The following MYBPC1 variants were observed in gnomAD, a reference collection of about 807,000 sequenced individuals.
MYBPC1 encodes the protein myosin binding protein C1, also known as myosin-binding protein C, slow-type.
In MYBPC1, 52 loss-of-function variants were observed where a neutral mutation model predicts 147.1. The ratio of observed to expected loss-of-function variants is 0.35; its 90% CI spans 0.28 to 0.45. The LOEUF is 0.45. Among genes scored for constraint, MYBPC1 ranks in the 20% least tolerant of loss-of-function variants. MYBPC1 has a pLI of 1.00. For missense variants in MYBPC1, 1,228 were observed against 1,440.3 expected, an observed-to-expected ratio of 0.85 and a Z score of 2.39; for synonymous variants, 477 against 475.9, an observed-to-expected ratio of 1.00 and a Z score of -0.03.
At chr12:101,682,984 A>G (rs1371107434) in intron 30 of MYBPC1, among the ~76,000 whole-genome samples, 1 of 152,174 alleles carries the variant, frequency 6.6e-6, no homozygotes, top group Non-Finnish European at 1.5e-5. Context: ...TTTCTTTAAT[A>G]TTTTCATTTT....
intron 8 of MYBPC1, among the ~76,000 whole-genome samples, chr12:101,633,455 G>C (rs1001649717): frequency 6.6e-6 from 1 of 152,104 alleles, no homozygotes; most frequent in African/African-American, 2.4e-5. Flanking sequence ...TTGGGAGGCC[G>C]GGGCGGGCAG....
At chr12:101,619,397 C>T (rs991224253) in intron 3 of MYBPC1, among the ~76,000 whole-genome samples, 12 of 152,160 alleles carry the variant, frequency 7.9e-5, no homozygotes, top group Non-Finnish European at 1.6e-4. Flanking sequence ...TGGTTGACTC[C>T]TTTTCCTAAC....
chr12:101,693,170 T>C, the MYBPC1 span, among the ~76,000 whole-genome samples: 10 of 152,178 alleles, frequency 6.6e-5, no homozygotes, highest in South Asian at 1.7e-3. Flanking sequence ...ATGGTCTCGA[T>C]CTCCTGACCT....
intron 3 of MYBPC1, among the ~76,000 whole-genome samples, chr12:101,624,548 C>A (rs567152667): frequency 7.2e-5 from 11 of 152,052 alleles, no homozygotes; most frequent in African/African-American, 2.7e-4. Context: ...AGTACAGTGG[C>A]GTGATGATGG....
intron 1 of MYBPC1, among the ~76,000 whole-genome samples, chr12:101,609,317 G>C (rs1321835433): frequency 6.6e-6 from 1 of 151,876 alleles, no homozygotes; most frequent in Non-Finnish European, 1.5e-5. Context: ...CTGGAGATGG[G>C]GTCTTGCTCT....
At position 101,677,224 on chromosome 12, in the gene MYBPC1, T is replaced by C; in HGVS notation, c.2950-11T>C. On this transcript the variant is annotated splice_polypyrimidine_tract_variant and intron_variant, in intron 26 of 31. Transcript: ENST00000361466. ...TGATTTTCCTCCAGTTATTATTTTT[T>C]TTTCTTTTAGGAATGGTTTACTGTC... 6.2e-7 allele frequency: 1 copy of C among 1,611,638 alleles called. No homozygotes were observed. Among genetic ancestry groups the C allele is most frequent in the Non-Finnish European group, 8.5e-7 (1 of 1,178,056 alleles).
In MYBPC1 at chr12:101,651,215, T is replaced by C. The variant is rs755074135; in HGVS notation, c.1364-16T>C. On this transcript the variant is annotated splice_polypyrimidine_tract_variant and intron_variant, in intron 15 of 31. Coordinates refer to ENST00000361466, the MANE Select transcript of MYBPC1 (RefSeq NM_002465.4). ...AGTTTGGGCTTGGCATTTGTGATGG[T>C]CTATCATTTCTACAGTGAAACCTCT... 4 of 1,614,058 alleles carry C rather than the reference T, an allele frequency of 2.5e-6. No homozygotes were observed. In the South Asian group the frequency reaches 3.3e-5, roughly 13 times the overall value.
intron 2 of MYBPC1, chr12:101,614,896 C>T (rs1934048673): frequency 2.7e-5 from 9 of 333,722 alleles, no homozygotes; most frequent in South Asian, 1.4e-4. Context: ...CAAACAAACC[C>T]ACATCTTCTT....
rs557761628 is a variant in MYBPC1 at position 101,622,047 on chromosome 12, C to A, written c.103+4804C>A. Among the ~76,000 whole-genome samples the A allele has an allele frequency of 3.9e-5, 6 of 152,294 alleles. No individual in the cohort carries two copies. In the South Asian group the frequency reaches 1.2e-3, roughly 32 times the overall value. On this transcript the variant is annotated intron_variant, in intron 3 of 31. Transcript: ENST00000361466. ...TTCTATGTAGCTAGGGGGAAGATAG[C>A]CCTGCTACGCTGAGTGTGTGGTTTC...
intron 1 of MYBPC1, among the ~76,000 whole-genome samples, chr12:101,605,648 G>T (rs1396154224): frequency 1.3e-5 from 2 of 152,140 alleles, no homozygotes; most frequent in African/African-American, 2.4e-5. Context: ...ATCACCTGAG[G>T]TCAGGAGTTT....
rs1351508927 is a variant in MYBPC1 at position 101,642,528 on chromosome 12, C to T, written c.775C>T (p.Leu259=). The T allele has an allele frequency of 1.9e-6, 3 of 1,613,480 alleles. No homozygotes were observed. Among genetic ancestry groups the T allele is most frequent in the Non-Finnish European group, 2.5e-6 (3 of 1,179,818 alleles). The change falls in exon 11 of 32, where the codon CTG becomes TTG. Residue 259 remains leucine, a synonymous_variant. Coordinates refer to ENST00000361466, the MANE Select transcript of MYBPC1 (RefSeq NM_002465.4). ...KIAFQYGITD[L]RGMLKRLKRM... is the part of the protein sequence containing the mutation. ...CGCCTTCCAGTATGGAATCACCGAC[C>T]TGCGCGGCATGCTCAAGCGACTCAA...
chr12:101,644,700 A>G lies in MYBPC1; in HGVS notation c.869A>G (p.Asp290Gly). The change falls in exon 12 of 32, where the codon GAC becomes GGC. Residue 290 changes from aspartate (D) to glycine (G), a missense_variant. Around this residue, in one of 2 missense-constraint regions of MYBPC1, gnomAD observed 1,077 missense variants for 1,314.2 expected, o/e 0.82. Transcript: ENST00000361466. ...ATTCTTGATCCTGCATATCAGGTTG[A>G]CAAAGGAGGCAGAGTGAGGTTTGTT... ...AKILDPAYQVDKGGRVRFVVE... is the reference protein window; with the variant it reads ...AKILDPAYQVGKGGRVRFVVE... The G allele has an allele frequency of 6.2e-7, 1 of 1,613,998 alleles. No homozygotes were observed. The highest frequency in any genetic ancestry group is 8.5e-7 in the Non-Finnish European group (1 of 1,179,898).
At chr12:101,603,140 T>C (rs11836972) in intron 1 of MYBPC1, among the ~76,000 whole-genome samples, 18,498 of 151,652 alleles carry the variant, frequency 0.12, 1,176 homozygotes, top group Middle Eastern at 0.15. Context: ...AGGTCGGGAG[T>C]TTGAGACCAG....
At chr12:101,606,419 A>G (rs1014833355) in intron 1 of MYBPC1, among the ~76,000 whole-genome samples, 1 of 152,066 alleles carries the variant, frequency 6.6e-6, no homozygotes. Flanking sequence ...CAGCTCCTGA[A>G]GATCCCAGAC....
At chr12:101,633,895 CTTT>C (rs571261326) in intron 8 of MYBPC1, among the ~76,000 whole-genome samples, 13 of 137,276 alleles carry the variant, frequency 9.5e-5, no homozygotes, top group Non-Finnish European at 1.7e-4. Context: ...ACCTGGAGGG[CTTT>C]TTTTTTTTTT....
chr12:101,606,238 G>T (rs143933904), intron 1 of MYBPC1, among the ~76,000 whole-genome samples: 13 of 121,286 alleles, frequency 1.1e-4, no homozygotes, highest in Non-Finnish European at 2.3e-4. Context: ...ACACACACAA[G>T]AATGCACAAA....
chr12:101,634,731 C>T lies in MYBPC1; in HGVS notation c.608+126C>T, dbSNP rs920900739. 3 of 786,364 alleles carry T rather than the reference C, an allele frequency of 3.8e-6. No individual in the cohort carries two copies. In the Admixed American group the frequency reaches 6.0e-5, roughly 16 times the overall value. 48.7% of individuals were successfully genotyped at this position (786,364 alleles called of 1,614,324 possible). On this transcript the variant is annotated intron_variant, in intron 9 of 31. Coordinates refer to ENST00000361466, the MANE Select transcript of MYBPC1 (RefSeq NM_002465.4). ...ACAACACTTTTCACCGCAAAAACACCATATATTTAAACATTGGTGTTCTAG... is the reference window on the plus strand; with the variant it reads ...ACAACACTTTTCACCGCAAAAACACTATATATTTAAACATTGGTGTTCTAG...
chr12:101,662,190 T>C (rs1266440341), intron 20 of MYBPC1, among the ~76,000 whole-genome samples, 168 bp from the exon 21 acceptor site: 1 of 152,172 alleles, frequency 6.6e-6, no homozygotes, highest in Non-Finnish European at 1.5e-5. Context: ...TTTATATTAA[T>C]ATTTCTATTC....
chr12:101,626,723 C>A, intron 3 of MYBPC1, 149 bp from the exon 4 acceptor site: 1 of 729,480 alleles, frequency 1.4e-6, no homozygotes, highest in Non-Finnish European at 2.4e-6. Context: ...TCAGGTTTCA[C>A]TTTTCAGGTA....
Sources: allele counts gnomAD v4.1 joint callset (sites outside exome capture counted in the v4.1 genomes callset), GRCh38; gene constraint gnomAD v4.1.1; regional missense constraint gnomAD v4.1.1; transcripts MANE v1.5; gene names NCBI Gene and HGNC (gene_info 2026-07-23, HGNC 2026-07-21).